Variants in SNED1 observed in about 807,000 individuals in gnomAD.
SNED1 encodes sushi, nidogen and EGF-like domain-containing protein 1.
A neutral mutation model predicts 166.7 loss-of-function variants in SNED1; 81 were observed. The observed-to-expected ratio is 0.49, with a 90% CI of 0.41 to 0.58. SNED1 has a LOEUF of 0.58. Among genes scored for constraint, SNED1 ranks in the 20% least tolerant of loss-of-function variants. The pLI is 0.00. For missense variants in SNED1, 1,604 were observed against 2,000.2 expected, an observed-to-expected ratio of 0.80 and a Z score of 3.78; for synonymous variants, 762 against 822.0, an observed-to-expected ratio of 0.93 and a Z score of 1.25.
chr2:241,065,258 C>T (rs1474897035), intron 20 of SNED1, 41 bp from the exon 21 acceptor site: 3 of 1,606,392 alleles, frequency 1.9e-6, no homozygotes, highest in Non-Finnish European at 2.5e-6. Context: ...TAGCTAACGG[C>T]TGACCAGTCC....
rs368833097 is a variant in SNED1 at position 241,070,200 on chromosome 2, C to T, written c.3588C>T (p.Thr1196=). The T allele has an allele frequency of 3.7e-6, 6 of 1,602,546 alleles. No homozygotes were observed. In the African/African-American group the frequency reaches 8.0e-5, roughly 21 times the overall value. The change falls in exon 24 of 32, where the codon ACC becomes ACT. Residue 1196 remains threonine (T), a splice_region_variant and synonymous_variant. Coordinates refer to ENST00000310397, the MANE Select transcript of SNED1 (RefSeq NM_001080437.3). ...AGCCCGCCCACCTCTACATCATCAC[C>T]TGTGAGTGCCGTGGGCCCTGCGCGT... ...HSEPAHLYII[T]SPRDGADRRW...
intron 18 of SNED1, 85 bp downstream of exon 18, chr2:241,063,785 T>C: frequency 2.8e-6 from 3 of 1,058,024 alleles, no homozygotes; most frequent in Non-Finnish European, 2.7e-6. Flanking sequence ...CCACATTCCC[T>C]GCTGGGCAGG....
At chr2:241,043,661 C>T (rs13029873) in intron 8 of SNED1, among the ~76,000 whole-genome samples, 41,157 of 152,062 alleles carry the variant, frequency 0.27, 5,948 homozygotes, top group Middle Eastern at 0.35. Flanking sequence ...ATAAAACTTA[C>T]ATGCAGAAAT....
At chr2:241,012,985 G>C (rs1170258895) in intron 1 of SNED1, among the ~76,000 whole-genome samples, 1 of 151,860 alleles carries the variant, frequency 6.6e-6, no homozygotes, top group Non-Finnish European at 1.5e-5. Context: ...ACAGGTGCCC[G>C]CCACCACGCC....
At chr2:241,029,490 C>G (rs1484634898) in intron 1 of SNED1, among the ~76,000 whole-genome samples, 1 of 152,158 alleles carries the variant, frequency 6.6e-6, no homozygotes, top group Admixed American at 6.5e-5. Flanking sequence ...TTCCAAAGGC[C>G]CCACCTGCTA....
intron 4 of SNED1, 75 bp downstream of exon 4, chr2:241,034,805 C>T (rs1574942477): frequency 2.9e-5 from 42 of 1,429,790 alleles, no homozygotes; most frequent in Non-Finnish European, 3.2e-5. Flanking sequence ...GAGGTGGAGA[C>T]GAAGGGGGCT....
rs555740407 is a variant in SNED1 at position 241,071,728 on chromosome 2, C to A, written c.3734+8C>A. 1 of 1,309,258 alleles carries A rather than the reference C, an allele frequency of 7.6e-7. No individual in the cohort carries two copies. Among genetic ancestry groups the A allele is most frequent in the Non-Finnish European group, 1.1e-6 (1 of 945,542 alleles). 81.1% of individuals were successfully genotyped at this position (1,309,258 alleles called of 1,614,324 possible). A position where few individuals can be genotyped will look rare whatever the true frequency, so the allele number is the denominator to read the frequency against. On this transcript the variant is annotated splice_region_variant and intron_variant, in intron 25 of 31. Coordinates refer to ENST00000310397, the MANE Select transcript of SNED1 (RefSeq NM_001080437.3). ...CCCCACCCAGCCCCCCAGGTACATGCCCCACCCATCGGCCCCATCGCCCGA... is the reference window on the plus strand; with the variant it reads ...CCCCACCCAGCCCCCCAGGTACATGACCCACCCATCGGCCCCATCGCCCGA...
chr2:241,003,248 A>G (rs181484672), intron 1 of SNED1, among the ~76,000 whole-genome samples: 543 of 151,752 alleles, frequency 3.6e-3, no homozygotes, highest in Non-Finnish European at 5.2e-3. Context: ...TGTGCACCCC[A>G]TGAAGGCAGG....
chr2:241,024,846 G>A (rs757400843), intron 1 of SNED1, among the ~76,000 whole-genome samples: 6 of 151,346 alleles, frequency 4.0e-5, no homozygotes, highest in Non-Finnish European at 8.8e-5. Flanking sequence ...AAATTTTTTT[G>A]TATTTTTAGT....
rs898217410 is a variant in SNED1 at position 241,091,669 on chromosome 2, C to A, written c.*33C>A. On this transcript the variant is annotated 3_prime_UTR_variant, in exon 32 of 32. Transcript: ENST00000310397. This position sits in a 1 kb window ranked among gnomAD's most constrained non-coding sequence, Gnocchi z 4.1. The stretch of plus-strand genomic sequence containing the variant: ...AGACGTTCTTGTTACACTCCACCAA[C>A]CTCACGAGTTTCTAACACCCAGGAA... 2 of 152,240 alleles carry A rather than the reference C, an allele frequency of 1.3e-5. No individual in the cohort carries two copies. The highest frequency in any genetic ancestry group is 4.8e-5 in the African/African-American group (2 of 41,458). 9.4% of individuals were successfully genotyped at this position (152,240 alleles called of 1,614,324 possible).
chr2:241,004,662 C>A (rs1427366536), intron 1 of SNED1, among the ~76,000 whole-genome samples: 2 of 152,140 alleles, frequency 1.3e-5, no homozygotes, highest in East Asian at 3.8e-4. Context: ...GGCCCTCATG[C>A]TATTGTTGTC....
intron 31 of SNED1, chr2:241,089,441 G>T: frequency 6.5e-7 from 1 of 1,547,344 alleles, no homozygotes; most frequent in South Asian, 1.2e-5. Flanking sequence ...TCAGATATAG[G>T]CTCACACACA....
intron 6 of SNED1, 36 bp downstream of exon 6, chr2:241,037,389 T>G: frequency 2.1e-6 from 3 of 1,404,404 alleles, no homozygotes; most frequent in Non-Finnish European, 3.0e-6. Context: ...GGGGCCCTGC[T>G]GGGGGCAGGA....
intron 8 of SNED1, among the ~76,000 whole-genome samples, chr2:241,047,683 G>C (rs1229782857): frequency 6.6e-6 from 1 of 152,256 alleles, no homozygotes; most frequent in Non-Finnish European, 1.5e-5. Flanking sequence ...GACCAGAAAC[G>C]TTTGGAGGCC....
chr2:241,082,349 GCGTCTGTCACCA>G lies in SNED1; in HGVS notation c.4110_4121del (p.Cys1371_Val1374del), dbSNP rs1158127903. ...AAGGCCTTTCCAGTCTGGGAGGGAG[GCGTCTGTCACCA>G]CGTGTAAGTTGGTTTCTGTCCTCCG... On this transcript the variant is annotated inframe_deletion, in exon 29 of 32. Transcript: ENST00000310397. 1.2e-6 allele frequency: 2 copies of G among 1,613,206 alleles called. No homozygotes were observed. The highest frequency in any genetic ancestry group is 2.2e-5 in the South Asian group (2 of 91,018).
At chr2:241,037,206 C>T (rs373026009) in intron 5 of SNED1, 34 bp from the exon 6 acceptor site, 112 of 1,534,552 alleles carry the variant, frequency 7.3e-5, no homozygotes, top group Middle Eastern at 1.7e-4. Context: ...TCCGGGTTCC[C>T]GCCGCTGAGG....
At chr2:241,074,427 G>C (rs768155422) in intron 27 of SNED1, 1 of 152,180 alleles carries the variant, frequency 6.6e-6, no homozygotes, top group Non-Finnish European at 1.5e-5. Context: ...GAAGACTCTC[G>C]TGTTGATCTT....
At chr2:241,071,136 G>A (rs897338273) in intron 24 of SNED1, among the ~76,000 whole-genome samples, 1 of 152,188 alleles carries the variant, frequency 6.6e-6, no homozygotes, top group Non-Finnish European at 1.5e-5. Flanking sequence ...TAGGGTGACA[G>A]ATGCACCCTC....
rs1413917376 is a variant in SNED1, at chr2:240,999,063, C to G, written c.213+13C>G. 3.9e-6 allele frequency: 5 copies of G among 1,272,862 alleles called. No homozygotes were observed. The highest frequency in any genetic ancestry group is 3.0e-4 in the Middle Eastern group (1 of 3,302). The allele number at this position is 1,272,862 out of a possible 1,614,324, so 78.8% of individuals were successfully genotyped here. On this transcript the variant is annotated intron_variant, in intron 1 of 31. Coordinates refer to ENST00000310397, the MANE Select transcript of SNED1 (RefSeq NM_001080437.3). This position sits in a 1 kb window ranked among gnomAD's most constrained non-coding sequence, Gnocchi z 5.8. The stretch of plus-strand genomic sequence containing the variant: ...CTCCGGACTCTACGTGAGTAACCCC[C>G]GGGCTCGCGGGGCGCCCGGGAGGGG...
Sources: gnomAD v4.1 joint callset for allele counts (sites outside exome capture counted in the v4.1 genomes callset) on GRCh38, gnomAD v4.1.1 for gene constraint, Gnocchi (gnomAD v3.1) non-coding constraint, MANE v1.5 for transcripts, NCBI Gene and HGNC (gene_info 2026-07-23, HGNC 2026-07-21) for gene names.